Variants in GALNT7 observed in about 807,000 individuals in gnomAD.
GALNT7 encodes polypeptide N-acetylgalactosaminyltransferase 7.
In GALNT7, 60 loss-of-function variants were observed where a neutral mutation model predicts 82.1. The observed-to-expected ratio is 0.73, with a 90% CI of 0.59 to 0.91. GALNT7 has a LOEUF of 0.91. Among genes scored for constraint, GALNT7 ranks in the 40% least tolerant of loss-of-function variants. GALNT7 has a pLI of 0.00. For synonymous variants in GALNT7, 243 were observed against 275.1 expected (o/e 0.88, Z 1.15); for missense variants, 660 against 804.2 (o/e 0.82, Z 2.17).
intron 1 of GALNT7, among the ~76,000 whole-genome samples, chr4:173,183,649 C>T (rs1406862251): frequency 6.6e-6 from 1 of 152,216 alleles, no homozygotes; most frequent in Non-Finnish European, 1.5e-5. Context: ...ATGGCCCGTT[C>T]TCAATGAGCT....
chr4:173,323,604 T>C lies in GALNT7; in HGVS notation c.*1887T>C, dbSNP rs1737901234. On this transcript the variant is annotated 3_prime_UTR_variant, in exon 12 of 12. Coordinates refer to ENST00000265000, the MANE Select transcript of GALNT7 (RefSeq NM_017423.3). ...GTGGCAATGAACTGTGCATGTAAAT[T>C]TTAAATGGGTACTTTGTGCAATTCG... 1 of 152,564 alleles carries C rather than the reference T, an allele frequency of 6.6e-6. No homozygotes were observed. Among genetic ancestry groups the C allele is most frequent in the African/African-American group, 2.4e-5 (1 of 41,458 alleles). The allele number at this position is 152,564 out of a possible 1,614,324, so 9.5% of individuals were successfully genotyped here.
chr4:173,174,733 C>T (rs1731982549), intron 1 of GALNT7, among the ~76,000 whole-genome samples: 1 of 152,020 alleles, frequency 6.6e-6, no homozygotes, highest in South Asian at 2.1e-4. Context: ...AATCCAGTAG[C>T]AATGTAAAGA....
chr4:173,236,464 C>A (rs138681988), intron 1 of GALNT7, among the ~76,000 whole-genome samples: 1 of 152,284 alleles, frequency 6.6e-6, no homozygotes, highest in East Asian at 1.9e-4. Context: ...CACTCATTTG[C>A]TCTATCCGAG....
chr4:173,298,449 T>A, intron 6 of GALNT7, 152 bp downstream of exon 6: 1 of 579,126 alleles, frequency 1.7e-6, no homozygotes, highest in Non-Finnish European at 3.0e-6. Context: ...GAGCTTTCAA[T>A]CTGCTCCATT....
chr4:173,269,333 C>A (rs192008778), intron 2 of GALNT7, among the ~76,000 whole-genome samples: 1 of 152,236 alleles, frequency 6.6e-6, no homozygotes, highest in Admixed American at 6.5e-5. Flanking sequence ...TCTTTCCTTG[C>A]TCCTTCCCAC....
At chr4:173,279,368 A>C (rs1370209179) in intron 2 of GALNT7, among the ~76,000 whole-genome samples, 2 of 152,156 alleles carry the variant, frequency 1.3e-5, no homozygotes, top group African/African-American at 2.4e-5. Context: ...ATGGTTCTAA[A>C]CATGAGAAAT....
At chr4:173,227,333 G>GT (rs890108302) in intron 1 of GALNT7, among the ~76,000 whole-genome samples, 1 of 151,892 alleles carries the variant, frequency 6.6e-6, no homozygotes, top group Non-Finnish European at 1.5e-5. Context: ...TTGTTTGTTT[G>GT]TTTTTGTTTT....
chr4:173,250,527 T>A (rs966339498), intron 2 of GALNT7, among the ~76,000 whole-genome samples: 3 of 152,102 alleles, frequency 2.0e-5, no homozygotes, highest in African/African-American at 7.2e-5. Flanking sequence ...TGAGGTCCGC[T>A]TCTTTCCTCT....
rs1223976804 is a variant in GALNT7, at chr4:173,218,051, TTGGC to T, written c.127-29927_127-29924del. On this transcript the variant is annotated intron_variant, in intron 1 of 11. Transcript: ENST00000265000. Reference sequence around the variant, plus strand: ...CTGAATCACTTTGTTAAATTTTGTCTTGGCTTCTGGAGACAGGGTAGGGAGACAG... The same window carrying T: ...CTGAATCACTTTGTTAAATTTTGTCTTTCTGGAGACAGGGTAGGGAGACAG... Among the ~76,000 whole-genome samples, 3 of 152,358 alleles carry T rather than the reference TTGGC, an allele frequency of 2.0e-5. No homozygotes were observed. The East Asian group carries it at 5.8e-4, about 29-fold the overall frequency.
chr4:173,225,442 C>G (rs1158918061), intron 1 of GALNT7, among the ~76,000 whole-genome samples: 1 of 152,180 alleles, frequency 6.6e-6, no homozygotes, highest in Non-Finnish European at 1.5e-5. Flanking sequence ...TATCATTATC[C>G]TCAATATCTT....
chr4:173,275,223 A>T (rs897046735), intron 2 of GALNT7, among the ~76,000 whole-genome samples: 2 of 152,184 alleles, frequency 1.3e-5, no homozygotes, highest in Admixed American at 6.5e-5. Flanking sequence ...GTTTATACAC[A>T]TTATTTAAGG....
chr4:173,268,853 T>C (rs1019921199), intron 2 of GALNT7, among the ~76,000 whole-genome samples: 2 of 152,100 alleles, frequency 1.3e-5, no homozygotes, highest in Admixed American at 6.6e-5. Context: ...GTTTACTCTA[T>C]GAGCAGAAAC....
At position 173,318,471 on chromosome 4, in the gene GALNT7, A is replaced by T; in HGVS notation, c.1748A>T (p.Asp583Val). 1 of 1,603,120 alleles carries T rather than the reference A, an allele frequency of 6.2e-7. No individual in the cohort carries two copies. Among genetic ancestry groups the T allele is most frequent in the Admixed American group, 1.7e-5 (1 of 59,536 alleles). ...GAAGCAAATCAACTCATGCAGTATG[A>T]CCAGTGTTTGACAAAGGGAGCTGAT... Reference protein sequence around the residue: ...INEANQLMQYDQCLTKGADGS... With the variant: ...INEANQLMQYVQCLTKGADGS... The change falls in exon 11 of 12, where the codon GAC becomes GTC. Residue 583 changes from aspartate (D) to valine (V), a missense_variant. Physicochemically the swap from Asp to Val is radical, Grantham distance 152. Coordinates refer to ENST00000265000, the MANE Select transcript of GALNT7 (RefSeq NM_017423.3).
At chr4:173,299,877 G>A (rs371126866) in intron 6 of GALNT7, among the ~76,000 whole-genome samples, 73 of 151,694 alleles carry the variant, frequency 4.8e-4, no homozygotes, top group African/African-American at 3.1e-4. Context: ...CAGCTATAAC[G>A]GAATAATCTT....
intron 8 of GALNT7, among the ~76,000 whole-genome samples, chr4:173,306,113 T>A (rs1737146257): frequency 6.6e-6 from 1 of 152,152 alleles, no homozygotes; most frequent in Non-Finnish European, 1.5e-5. Flanking sequence ...TTTTTTCACC[T>A]CCTAAATATT....
chr4:173,238,932 ATTTT>A (rs943583271), intron 1 of GALNT7, among the ~76,000 whole-genome samples: 21 of 152,244 alleles, frequency 1.4e-4, no homozygotes, highest in African/African-American at 4.8e-4. Context: ...TTTGTTGTTT[ATTTT>A]TCTGTTGCAA....
chr4:173,314,201 A>T, intron 9 of GALNT7, 25 bp downstream of exon 9: 7 of 1,402,802 alleles, frequency 5.0e-6, no homozygotes, highest in Non-Finnish European at 7.1e-6. Flanking sequence ...CTCAAAATGT[A>T]TGTGTTTGTA....
chr4:173,222,607 AG>A (rs142114634), intron 1 of GALNT7, among the ~76,000 whole-genome samples: 1,796 of 152,320 alleles, frequency 0.012, 29 homozygotes, highest in East Asian at 0.056. Flanking sequence ...GATTACATTT[AG>A]ATGGAACTTT....
At chr4:173,246,815 G>A (rs919619953) in intron 1 of GALNT7, among the ~76,000 whole-genome samples, 2 of 152,086 alleles carry the variant, frequency 1.3e-5, no homozygotes, top group African/African-American at 4.8e-5. Context: ...ATTTTGGTCG[G>A]GTGGTGCTAA....
Sources: gnomAD v4.1 joint callset for allele counts (sites outside exome capture counted in the v4.1 genomes callset) on GRCh38, gnomAD v4.1.1 for gene constraint, MANE v1.5 for transcripts, NCBI Gene and HGNC (gene_info 2026-07-23, HGNC 2026-07-21) for gene names.